Variants in NELL1 observed in about 807,000 individuals in gnomAD.
NELL1 encodes neural EGFL like 1, also known as protein kinase C-binding protein NELL1.
NELL1 carries 76 observed loss-of-function variants against 107.4 expected under a neutral mutation model. The observed-to-expected ratio is 0.71, with a 90% CI of 0.59 to 0.86. The LOEUF (loss-of-function observed/expected upper bound fraction) is 0.86. NELL1 is among the 40% of genes least tolerant of loss of function. The pLI is 0.00. For missense variants in NELL1, 1,024 were observed against 1,005.5 expected, an observed-to-expected ratio of 1.02 and a Z score of -0.25; for synonymous variants, 353 against 341.2, an observed-to-expected ratio of 1.03 and a Z score of -0.38.
intron 15 of NELL1, among the ~76,000 whole-genome samples, chr11:21,435,041 CT>C (rs571939232): frequency 1.3e-3 from 194 of 152,100 alleles, no homozygotes; most frequent in African/African-American, 4.6e-3. Flanking sequence ...TACTCTGTAA[CT>C]TTACCGAATT....
At chr11:20,718,454 A>T (rs933196976) in intron 2 of NELL1, among the ~76,000 whole-genome samples, 2 of 72,792 alleles carry the variant, frequency 2.7e-5, no homozygotes, top group African/African-American at 8.3e-5. Flanking sequence ...GTCAGGGTTT[A>T]TTTATTCATT....
chr11:21,068,032 C>CAAAAAAAAAAAAAA lies in NELL1; in HGVS notation c.1301-45543_1301-45530dup, dbSNP rs1195285619. Among the ~76,000 whole-genome samples, 3 of 40,382 alleles carry CAAAAAAAAAAAAAA rather than the reference C, an allele frequency of 7.4e-5. 1 individual carries two copies. The highest frequency in any genetic ancestry group is 8.2e-5 in the Non-Finnish European group (2 of 24,304). The allele number at this position is 40,382 out of a possible 152,430, so 26.5% of individuals were successfully genotyped here. A position where few individuals can be genotyped will look rare whatever the true frequency, so the allele number is the denominator to read the frequency against. ...TGGGCAACAGAGTGAGATGCCATCT[C>CAAAAAAAAAAAAAA]AAAAAAAAAAAAAAAAAAAAAAAAA... is the stretch of plus-strand genomic sequence containing the variant. On this transcript the variant is annotated intron_variant, in intron 12 of 19. Transcript: ENST00000357134.
At chr11:20,893,440 A>C (rs1332440886) in intron 5 of NELL1, among the ~76,000 whole-genome samples, 1 of 151,818 alleles carries the variant, frequency 6.6e-6, no homozygotes, top group Non-Finnish European at 1.5e-5. Flanking sequence ...ATAAAATGTT[A>C]GTAAAGGTGA....
chr11:20,671,930 G>A (rs913249242), intron 1 of NELL1, among the ~76,000 whole-genome samples: 1 of 152,188 alleles, frequency 6.6e-6, no homozygotes, highest in Non-Finnish European at 1.5e-5. Context: ...AAGTGGGAAG[G>A]CATTCTTGGC....
At chr11:21,045,675 C>G (rs753445794) in intron 12 of NELL1, among the ~76,000 whole-genome samples, 24 of 152,118 alleles carry the variant, frequency 1.6e-4, no homozygotes, top group African/African-American at 5.8e-4. Flanking sequence ...CATTTCTTAC[C>G]TTTGCTAAAT....
At chr11:21,473,494 G>T (rs540486333) in intron 15 of NELL1, among the ~76,000 whole-genome samples, 2 of 151,852 alleles carry the variant, frequency 1.3e-5, no homozygotes, top group Non-Finnish European at 2.9e-5. Context: ...ATATTTTAAC[G>T]AGGAGTTTCT....
At chr11:21,544,273 C>G (rs1288783933) in intron 16 of NELL1, among the ~76,000 whole-genome samples, 1 of 151,974 alleles carries the variant, frequency 6.6e-6, no homozygotes, top group South Asian at 2.1e-4. Context: ...GGTTTTAGCA[C>G]TAAGCTAGGT....
At position 20,984,021 on chromosome 11, in the gene NELL1, C is replaced by T. The variant is rs940551009; in HGVS notation, c.1300+23461C>T. On this transcript the variant is annotated intron_variant, in intron 12 of 19. Coordinates refer to ENST00000357134, the MANE Select transcript of NELL1 (RefSeq NM_006157.5). ...TTCTTCCCCTACTCCTTACTAGCTT[C>T]ACTTAGTTATCGTCTATCTTTTTTT... Among the ~76,000 whole-genome samples, 3 of 152,160 alleles carry T rather than the reference C, an allele frequency of 2.0e-5. No individual in the cohort carries two copies. The South Asian group carries it at 6.2e-4, about 31-fold the overall frequency.
chr11:20,800,006 G>A (rs1857250494), intron 3 of NELL1, among the ~76,000 whole-genome samples: 1 of 152,164 alleles, frequency 6.6e-6, no homozygotes, highest in Admixed American at 6.5e-5. Context: ...ATGGCCCCCA[G>A]CTGTATTCAT....
At chr11:20,961,120 C>G (rs1419280548) in intron 12 of NELL1, among the ~76,000 whole-genome samples, 1 of 152,120 alleles carries the variant, frequency 6.6e-6, no homozygotes. Context: ...GATGCCATTA[C>G]AGTGGGATGG....
At chr11:21,167,707 C>A (rs1856516747) in intron 13 of NELL1, among the ~76,000 whole-genome samples, 1 of 151,848 alleles carries the variant, frequency 6.6e-6, no homozygotes, top group Non-Finnish European at 1.5e-5. Context: ...TTATGTTGGT[C>A]TTCTTTTCAT....
intron 16 of NELL1, among the ~76,000 whole-genome samples, chr11:21,559,101 T>C (rs1856791483): frequency 6.6e-6 from 1 of 152,112 alleles, no homozygotes; most frequent in Non-Finnish European, 1.5e-5. Context: ...AAAAATTAGA[T>C]CTTGGAAAAA....
chr11:20,783,872 A>C, intron 3 of NELL1, 42 bp downstream of exon 3: 1 of 1,562,454 alleles, frequency 6.4e-7, no homozygotes, highest in African/African-American at 1.4e-5. Context: ...CCTTAGAGTT[A>C]ATGGGTTATA....
intron 13 of NELL1, among the ~76,000 whole-genome samples, chr11:21,186,056 C>T (rs1011437398): frequency 6.6e-6 from 1 of 151,770 alleles, no homozygotes; most frequent in African/African-American, 2.4e-5. Flanking sequence ...CTGGATACAT[C>T]TAACCACCAT....
At chr11:21,154,870 G>A (rs1472151311) in intron 13 of NELL1, among the ~76,000 whole-genome samples, 2 of 152,120 alleles carry the variant, frequency 1.3e-5, no homozygotes, top group South Asian at 4.1e-4. Context: ...AGGACGTGAT[G>A]AGCATAGATA....
chr11:20,927,052 G>T (rs544768662), intron 7 of NELL1: 2 of 399,468 alleles, frequency 5.0e-6, no homozygotes, highest in Admixed American at 8.8e-5. Flanking sequence ...GAACACCCAT[G>T]AGGTTCCTGA....
intron 12 of NELL1, among the ~76,000 whole-genome samples, chr11:21,030,572 G>A (rs1852927855): frequency 6.6e-6 from 1 of 151,144 alleles, no homozygotes; most frequent in African/African-American, 2.4e-5. Flanking sequence ...TTCAATTTCA[G>A]AGATGTTTTA....
chr11:21,046,235 C>T (rs1191883623), intron 12 of NELL1, among the ~76,000 whole-genome samples: 6 of 152,106 alleles, frequency 3.9e-5, no homozygotes, highest in Non-Finnish European at 5.9e-5. Context: ...AAATGTAAAA[C>T]TTATAACTAA....
At chr11:21,088,059 CTGTGTGTGTGTGTGTGTG>C (rs56900585) in intron 12 of NELL1, among the ~76,000 whole-genome samples, 3 of 135,992 alleles carry the variant, frequency 2.2e-5, no homozygotes, top group South Asian at 2.6e-4. Context: ...CCCAGTAGCT[CTGTGTGTGTGTGTGTGTG>C]TGTGTGTGTG....
Sources: gnomAD v4.1 joint callset for allele counts (sites outside exome capture counted in the v4.1 genomes callset) on GRCh38, gnomAD v4.1.1 for gene constraint, MANE v1.5 for transcripts, NCBI Gene and HGNC (gene_info 2026-07-23, HGNC 2026-07-21) for gene names.